IQSEC1: variants seen among roughly 807,000 people sequenced by gnomAD.
The protein encoded by IQSEC1 is IQ motif and SEC7 domain-containing protein 1.
A neutral mutation model predicts 91.0 loss-of-function variants in IQSEC1; 31 were observed. The ratio of observed to expected loss-of-function variants is 0.34; its 90% CI spans 0.26 to 0.46. The LOEUF is 0.46. Ranked by LOEUF, IQSEC1 falls within the 20% of genes least tolerant of loss-of-function variation. IQSEC1 has a pLI of 1.00. For synonymous variants in IQSEC1, 699 were observed against 662.6 expected (o/e 1.05, Z -0.84); for missense variants, 1,388 against 1,575.6 (o/e 0.88, Z 2.02).
chr3:13,122,221 G>A (rs1422311644), intron 2 of IQSEC1, among the ~76,000 whole-genome samples: 6 of 152,242 alleles, frequency 3.9e-5, no homozygotes, highest in African/African-American at 9.6e-5. Flanking sequence ...AAAAGGTAAC[G>A]GAGCCACGTG....
At chr3:13,099,331 G>A (rs969962957) in intron 2 of IQSEC1, among the ~76,000 whole-genome samples, 4 of 152,244 alleles carry the variant, frequency 2.6e-5, no homozygotes, top group Non-Finnish European at 4.4e-5. Flanking sequence ...GGTTTCGGGT[G>A]TGCAGGATTG....
chr3:13,206,286 G>A (rs542774371), intron 1 of IQSEC1, among the ~76,000 whole-genome samples: 1 of 152,160 alleles, frequency 6.6e-6, no homozygotes, highest in South Asian at 2.1e-4. Flanking sequence ...ATCTACTAGG[G>A]GTTGAAACAC....
intron 1 of IQSEC1, among the ~76,000 whole-genome samples, chr3:12,956,189 G>A (rs1045126593): frequency 2.0e-5 from 3 of 151,918 alleles, no homozygotes; most frequent in Admixed American, 6.6e-5. Flanking sequence ...ACTCCTTATC[G>A]CCCACCCACA....
At chr3:12,986,112 CGAG>C (rs1701720704) in intron 1 of IQSEC1, among the ~76,000 whole-genome samples, 1 of 152,182 alleles carries the variant, frequency 6.6e-6, no homozygotes, top group African/African-American at 2.4e-5. Context: ...ATGCTACAAA[CGAG>C]GAAATGGAGC....
intron 2 of IQSEC1, among the ~76,000 whole-genome samples, chr3:13,105,523 G>A (rs980774817): frequency 6.6e-6 from 1 of 152,150 alleles, no homozygotes; most frequent in African/African-American, 2.4e-5. Flanking sequence ...AAAAACACGT[G>A]GAAGCTGGCA....
intron 1 of IQSEC1, among the ~76,000 whole-genome samples, chr3:13,232,800 G>A (rs1003300106): frequency 6.6e-6 from 1 of 152,176 alleles, no homozygotes; most frequent in Non-Finnish European, 1.5e-5. Context: ...CCTTGGAATC[G>A]AATCCAACCA....
intron 1 of IQSEC1, among the ~76,000 whole-genome samples, chr3:13,172,885 G>C (rs1257211476): frequency 6.6e-6 from 1 of 152,182 alleles, no homozygotes; most frequent in Non-Finnish European, 1.5e-5. Context: ...CCTGTGCCCT[G>C]GGAGTGGTAA....
rs1340497788 is a variant in IQSEC1, at chr3:12,983,324, G to A, written c.24-41459C>T. Among the ~76,000 whole-genome samples the A allele has an allele frequency of 1.3e-5, 2 of 152,200 alleles. No individual in the cohort carries two copies. Among genetic ancestry groups the A allele is most frequent in the East Asian group, 1.9e-4 (1 of 5,200 alleles). Reference sequence around the variant, plus strand: ...GGGCACAGCTGGTAGAGCAGTCCTCGGAGGGGATGAAAGGTGGCGTGGTGA... The same window carrying A: ...GGGCACAGCTGGTAGAGCAGTCCTCAGAGGGGATGAAAGGTGGCGTGGTGA... On this transcript the variant is annotated intron_variant, in intron 1 of 13. Coordinates refer to ENST00000613206, the MANE Select transcript of IQSEC1 (RefSeq NM_001134382.3). This position sits in a 1 kb window ranked among gnomAD's most constrained non-coding sequence, Gnocchi z 4.3.
intron 3 of IQSEC1, among the ~76,000 whole-genome samples, chr3:12,927,703 C>T (rs1559632540): frequency 6.6e-6 from 1 of 152,230 alleles, no homozygotes; most frequent in Non-Finnish European, 1.5e-5. Flanking sequence ...TAGGTGAGCA[C>T]CATGTGTCTG....
At chr3:13,209,828 G>A (rs775964644) in intron 1 of IQSEC1, among the ~76,000 whole-genome samples, 3 of 152,188 alleles carry the variant, frequency 2.0e-5, no homozygotes, top group African/African-American at 7.2e-5. Context: ...GAATTCTTTT[G>A]CACTTTCCAA....
At chr3:13,204,864 G>A (rs1694314943) in intron 1 of IQSEC1, among the ~76,000 whole-genome samples, 1 of 148,774 alleles carries the variant, frequency 6.7e-6, no homozygotes, top group Non-Finnish European at 1.5e-5. Context: ...GCAGTGGCGC[G>A]ATCTCGGCCC....
intron 1 of IQSEC1, among the ~76,000 whole-genome samples, chr3:13,268,510 C>T (rs569461539): frequency 6.6e-6 from 1 of 152,148 alleles, no homozygotes. Flanking sequence ...TGATGAGGCT[C>T]CCCTATCAGA....
At chr3:13,115,546 C>A (rs892695947) in intron 2 of IQSEC1, among the ~76,000 whole-genome samples, 17 of 152,224 alleles carry the variant, frequency 1.1e-4, no homozygotes, top group African/African-American at 3.9e-4. Flanking sequence ...GTCTTCCCAC[C>A]TCTTGCCCTA....
chr3:13,077,042 T>G (rs1176307703), upstream of IQSEC1, among the ~76,000 whole-genome samples: 1 of 151,942 alleles, frequency 6.6e-6, no homozygotes, highest in African/African-American at 2.4e-5. Context: ...TTTTTTTTTT[T>G]TTTAAAGACA....
chr3:13,177,199 T>C (rs767123899), intron 1 of IQSEC1, among the ~76,000 whole-genome samples: 15 of 152,234 alleles, frequency 9.9e-5, no homozygotes, highest in Non-Finnish European at 1.9e-4. Flanking sequence ...AGTGACAGTT[T>C]GTGAATTACA....
At chr3:13,195,589 A>T (rs1694111150) in intron 1 of IQSEC1, among the ~76,000 whole-genome samples, 1 of 152,236 alleles carries the variant, frequency 6.6e-6, no homozygotes, top group Admixed American at 6.5e-5. Flanking sequence ...GAAGCCAAGG[A>T]CATTTACACA....
At chr3:13,072,816 A>G (rs1265029698) in intron 1 of IQSEC1, among the ~76,000 whole-genome samples, 176 bp downstream of exon 1, 2 of 152,136 alleles carry the variant, frequency 1.3e-5, no homozygotes, top group African/African-American at 4.8e-5. Flanking sequence ...ATCACCAACA[A>G]ACACCTCCGC....
chr3:13,006,185 T>A (rs1702627818), intron 1 of IQSEC1, among the ~76,000 whole-genome samples: 1 of 152,174 alleles, frequency 6.6e-6, no homozygotes, highest in Admixed American at 6.5e-5. Flanking sequence ...TCCTCCCACC[T>A]GAGCTGGGGG....
intron 1 of IQSEC1, among the ~76,000 whole-genome samples, chr3:12,945,265 G>T (rs1699103057): frequency 6.6e-6 from 1 of 152,064 alleles, no homozygotes; most frequent in African/African-American, 2.4e-5. Context: ...GGCAGCCCAG[G>T]ATTCCGCTCT....
Sources: gnomAD v4.1 joint callset for allele counts (sites outside exome capture counted in the v4.1 genomes callset) on GRCh38, gnomAD v4.1.1 for gene constraint, Gnocchi (gnomAD v3.1) non-coding constraint, MANE v1.5 for transcripts, NCBI Gene and HGNC (gene_info 2026-07-23, HGNC 2026-07-21) for gene names.